Variants in NEGR1 observed in about 807,000 individuals in gnomAD.
The protein encoded by NEGR1 is IgLON family member 4.
Under a neutral mutation model 40.9 loss-of-function variants are expected in NEGR1, and 10 were observed. The ratio of observed to expected loss-of-function variants is 0.24; its 90% CI spans 0.15 to 0.42. The LOEUF (loss-of-function observed/expected upper bound fraction) is 0.42. Among genes scored for constraint, NEGR1 ranks in the 10% least tolerant of loss-of-function variants. The pLI, the probability that NEGR1 is intolerant of heterozygous loss-of-function variation, is 1.00. For synonymous variants in NEGR1, 185 were observed against 166.8 expected (o/e 1.11, Z -0.84); for missense variants, 352 against 438.9 (o/e 0.80, Z 1.77).
At chr1:71,492,190 G>A (rs146368160) in intron 6 of NEGR1, among the ~76,000 whole-genome samples, 22 of 152,212 alleles carry the variant, frequency 1.4e-4, no homozygotes, top group Admixed American at 2.0e-4. Context: ...AATGGACTAA[G>A]AGATTGGGCA....
chr1:72,011,404 T>C (rs925331276), intron 1 of NEGR1, among the ~76,000 whole-genome samples: 1 of 152,060 alleles, frequency 6.6e-6, no homozygotes. Context: ...AGCATTCACA[T>C]AGAAATACTG....
At chr1:71,689,388 T>C (rs1234247695) in intron 4 of NEGR1, among the ~76,000 whole-genome samples, 1 of 152,176 alleles carries the variant, frequency 6.6e-6, no homozygotes, top group East Asian at 1.9e-4. Flanking sequence ...ATTTTCTAAA[T>C]GGGGAGATTG....
At chr1:71,606,807 T>C (rs553414779) in intron 5 of NEGR1, among the ~76,000 whole-genome samples, 107 of 152,238 alleles carry the variant, frequency 7.0e-4, no homozygotes, top group African/African-American at 2.4e-3. Context: ...TGTGCTTAAT[T>C]TTACCATCCT....
chr1:72,174,498 C>T (rs1215458977), intron 1 of NEGR1, among the ~76,000 whole-genome samples: 1 of 152,272 alleles, frequency 6.6e-6, no homozygotes, highest in Admixed American at 6.5e-5. Flanking sequence ...TCATTTCTTT[C>T]TCCCCTCCAA....
intron 1 of NEGR1, among the ~76,000 whole-genome samples, chr1:72,150,836 A>G (rs979773320): frequency 6.6e-6 from 1 of 152,096 alleles, no homozygotes; most frequent in Non-Finnish European, 1.5e-5. Flanking sequence ...TTGCAATGTC[A>G]TTCTACAACT....
intron 6 of NEGR1, among the ~76,000 whole-genome samples, chr1:71,577,808 G>A (rs1349551455): frequency 6.6e-6 from 1 of 152,068 alleles, no homozygotes; most frequent in Non-Finnish European, 1.5e-5. Flanking sequence ...CCTATCTCAC[G>A]TTGAATTCAA....
chr1:71,543,588 C>T (rs1272234352), intron 6 of NEGR1, among the ~76,000 whole-genome samples: 1 of 151,556 alleles, frequency 6.6e-6, no homozygotes, highest in African/African-American at 2.4e-5. Flanking sequence ...ATGAGTTGGA[C>T]CTAAGTGTGT....
rs1471475284 is a variant in NEGR1 at position 71,717,309 on chromosome 1, CT to C, written c.536-19171del. 9.2e-5 allele frequency among the ~76,000 whole-genome samples: 14 copies of C among 152,186 alleles called. No homozygotes were observed. In the East Asian group the frequency reaches 2.7e-3, roughly 29 times the overall value. On this transcript the variant is annotated intron_variant, in intron 3 of 6. Transcript: ENST00000357731. ...AATACTGTTTACATGTCCTCTATGC[CT>C]GTAACTTGCTGTTATGCATTGTATG...
intron 1 of NEGR1, among the ~76,000 whole-genome samples, chr1:72,139,007 T>A (rs1650572328): frequency 6.6e-6 from 1 of 151,966 alleles, no homozygotes; most frequent in Non-Finnish European, 1.5e-5. Flanking sequence ...TATGTTCTCA[T>A]TCCACAATAA....
At chr1:72,166,646 G>A (rs1006089492) in intron 1 of NEGR1, among the ~76,000 whole-genome samples, 1 of 152,000 alleles carries the variant, frequency 6.6e-6, no homozygotes, top group African/African-American at 2.4e-5. Flanking sequence ...TATGTTAAGT[G>A]AATTAAGGCA....
At chr1:72,023,042 T>C (rs192922382) in intron 1 of NEGR1, among the ~76,000 whole-genome samples, 3 of 152,286 alleles carry the variant, frequency 2.0e-5, no homozygotes, top group Admixed American at 2.0e-4. Flanking sequence ...CATGAAATAA[T>C]ATAAAGACTT....
At chr1:72,264,375 T>C (rs1655568066) in intron 1 of NEGR1, among the ~76,000 whole-genome samples, 1 of 151,172 alleles carries the variant, frequency 6.6e-6, no homozygotes, top group African/African-American at 2.4e-5. Context: ...AAGATACAAA[T>C]ATTATTTCAA....
At chr1:72,187,294 A>G (rs1483740502) in intron 1 of NEGR1, among the ~76,000 whole-genome samples, 2 of 151,502 alleles carry the variant, frequency 1.3e-5, no homozygotes, top group Admixed American at 6.6e-5. Flanking sequence ...TTTTTTCGCC[A>G]CATTTCTGTT....
chr1:72,103,542 T>C (rs1176254247), intron 1 of NEGR1, among the ~76,000 whole-genome samples: 1 of 152,094 alleles, frequency 6.6e-6, no homozygotes, highest in Admixed American at 6.6e-5. Flanking sequence ...GCAGTCATTA[T>C]GTCACCCTCT....
At chr1:72,215,299 G>A (rs192361680) in intron 1 of NEGR1, among the ~76,000 whole-genome samples, 2 of 152,170 alleles carry the variant, frequency 1.3e-5, no homozygotes, top group East Asian at 3.9e-4. Flanking sequence ...CAGGACATAG[G>A]CACGGGCAAA....
rs115144277 is a variant in NEGR1, at chr1:72,089,328, G to C, written c.177-154017C>G. Among the ~76,000 whole-genome samples, 489 of 152,244 alleles carry C rather than the reference G, an allele frequency of 3.2e-3. 2 individuals carry two copies. The highest frequency in any genetic ancestry group is 0.011 in the African/African-American group (467 of 41,526). ...GATAAGAATAGTGCCTATCTTACAA[G>C]GGCTGGCAGACTAAATGAGTTAATA... On this transcript the variant is annotated intron_variant, in intron 1 of 6. Coordinates refer to ENST00000357731, the MANE Select transcript of NEGR1 (RefSeq NM_173808.3).
chr1:71,446,686 C>T (rs1438338033), intron 6 of NEGR1, among the ~76,000 whole-genome samples: 11 of 152,116 alleles, frequency 7.2e-5, no homozygotes, highest in Admixed American at 2.6e-4. Flanking sequence ...TTCTTCTTTC[C>T]GATGTACATT....
chr1:71,927,860 G>C (rs12062527), intron 2 of NEGR1, among the ~76,000 whole-genome samples: 1 of 119,234 alleles, frequency 8.4e-6, no homozygotes, highest in Non-Finnish European at 1.7e-5. Context: ...AAGCCAGGCA[G>C]AGTGGTGTGC....
In NEGR1 at chr1:71,406,162, G is replaced by T. The variant is rs879764403; in HGVS notation, c.*1284C>A. On this transcript the variant is annotated 3_prime_UTR_variant, in exon 7 of 7. Transcript: ENST00000357731. ...TTGTTTGCACTGAAATGGCTATATA[G>T]AAAGATTTTATTGAAGAATTAGCTA... 6.6e-6 allele frequency: 1 copy of T among 151,850 alleles called. No homozygotes were observed. Among genetic ancestry groups the T allele is most frequent in the African/African-American group, 2.4e-5 (1 of 41,408 alleles). 9.4% of individuals were successfully genotyped at this position (151,850 alleles called of 1,614,324 possible).
Sources: allele counts gnomAD v4.1 joint callset (sites outside exome capture counted in the v4.1 genomes callset), GRCh38; gene constraint gnomAD v4.1.1; transcripts MANE v1.5; gene names NCBI Gene and HGNC (gene_info 2026-07-23, HGNC 2026-07-21).